Variants in PIP4K2A observed in about 807,000 individuals in gnomAD.
PIP4K2A encodes phosphatidylinositol 5-phosphate 4-kinase type-2 alpha.
A neutral mutation model predicts 42.9 loss-of-function variants in PIP4K2A; 14 were observed. The observed-to-expected ratio is 0.33, with a 90% CI of 0.22 to 0.51. PIP4K2A has a LOEUF of 0.51. Ranked by LOEUF, PIP4K2A falls within the 20% of genes least tolerant of loss-of-function variation. PIP4K2A has a pLI of 0.97. For missense variants in PIP4K2A, 434 were observed against 519.8 expected (o/e 0.83, Z 1.61); for synonymous variants, 192 against 192.2 (o/e 1.00, Z 0.01).
In PIP4K2A at chr10:22,652,396, C is replaced by T. The variant is rs1199834454; in HGVS notation, c.145-42679G>A. ...TCATCCTCCCAAAGTACAGGGATTA[C>T]AAGTGTGAGCCACCATGCCAGGCCT... On this transcript the variant is annotated intron_variant, in intron 1 of 9. Transcript: ENST00000376573. Among the ~76,000 whole-genome samples, 5 of 152,144 alleles carry T rather than the reference C, an allele frequency of 3.3e-5. No homozygotes were observed. In the East Asian group the frequency reaches 9.6e-4, roughly 29 times the overall value.
intron 1 of PIP4K2A, among the ~76,000 whole-genome samples, chr10:22,662,106 G>A (rs1238341552): frequency 6.6e-6 from 1 of 152,204 alleles, no homozygotes. Flanking sequence ...TTATACTGCA[G>A]GAAGCAGAGG....
At chr10:22,673,168 T>C (rs1214055436) in intron 1 of PIP4K2A, among the ~76,000 whole-genome samples, 1 of 152,190 alleles carries the variant, frequency 6.6e-6, no homozygotes, top group African/African-American at 2.4e-5. Context: ...CATCACCTCC[T>C]CCAGGAAGTC....
At chr10:22,585,882 C>T (rs144504004) in intron 4 of PIP4K2A, among the ~76,000 whole-genome samples, 94 of 152,272 alleles carry the variant, frequency 6.2e-4, no homozygotes, top group Non-Finnish European at 1.2e-3. Flanking sequence ...AGGCATGAGC[C>T]ACTGTGTCCA....
chr10:22,625,912 C>G (rs1190300989), intron 1 of PIP4K2A, among the ~76,000 whole-genome samples: 1 of 152,140 alleles, frequency 6.6e-6, no homozygotes. Context: ...AATGGCCTTT[C>G]TTATCTCTTG....
chr10:22,680,168 A>C (rs1839632127), intron 1 of PIP4K2A, among the ~76,000 whole-genome samples: 3 of 152,282 alleles, frequency 2.0e-5, no homozygotes, highest in Admixed American at 2.0e-4. Flanking sequence ...CTTTTGAATT[A>C]TGTGGATTTT....
chr10:22,714,432 G>T lies in PIP4K2A; in HGVS notation c.-106C>A, dbSNP rs1833972423. On this transcript the variant is annotated 5_prime_UTR_variant, in exon 1 of 10. Transcript: ENST00000376573. Reference sequence around the variant, plus strand: ...GCCGCATCCCCCCGGCGGCGGCCCCGGCGCGCCGCGCTCCGCTCCGCCCGC... The same window carrying T: ...GCCGCATCCCCCCGGCGGCGGCCCCTGCGCGCCGCGCTCCGCTCCGCCCGC... The T allele has an allele frequency of 2.8e-6, 2 of 716,290 alleles. No homozygotes were observed. The highest frequency in any genetic ancestry group is 3.9e-5 in the African/African-American group (2 of 51,684). 44.4% of individuals were successfully genotyped at this position (716,290 alleles called of 1,614,324 possible).
chr10:22,705,399 T>C (rs967751614), intron 1 of PIP4K2A, among the ~76,000 whole-genome samples: 4 of 125,938 alleles, frequency 3.2e-5, no homozygotes, highest in Non-Finnish European at 3.1e-5. Context: ...TTTTACCCCC[T>C]TTACGTATTA....
At chr10:22,699,309 A>G (rs1833665671) in intron 1 of PIP4K2A, among the ~76,000 whole-genome samples, 1 of 152,180 alleles carries the variant, frequency 6.6e-6, no homozygotes, top group African/African-American at 2.4e-5. Context: ...CTTTGATTCT[A>G]CAGGAAATGT....
chr10:22,626,900 G>C (rs546109178), intron 1 of PIP4K2A, among the ~76,000 whole-genome samples: 6 of 152,218 alleles, frequency 3.9e-5, no homozygotes, highest in African/African-American at 1.2e-4. Flanking sequence ...TCAAAAATAT[G>C]TCATGCCAAT....
rs779983730 is a variant in PIP4K2A, at chr10:22,541,843, C to T, written c.997G>A (p.Asp333Asn). 1.2e-5 allele frequency: 19 copies of T among 1,582,982 alleles called. No homozygotes were observed. In the East Asian group the frequency reaches 1.3e-4, roughly 11 times the overall value. ...ATTCCATAGACGTCGATGTTCGGAT[C>T]GAACTCCCCGGGAGCCAGGGGTGGT... is the stretch of plus-strand genomic sequence containing the variant. ...SSPPLAPGEF[D>N]PNIDVYGIKC... is the part of the protein sequence containing the mutation. The change falls in exon 8 of 10, where the codon GAT becomes AAT. Residue 333 changes from aspartate (D) to asparagine (N), a missense_variant. Transcript: ENST00000376573.
At chr10:22,634,512 C>A (rs1397025418) in intron 1 of PIP4K2A, among the ~76,000 whole-genome samples, 1 of 152,132 alleles carries the variant, frequency 6.6e-6, no homozygotes, top group Non-Finnish European at 1.5e-5. Flanking sequence ...TTACTGTTAA[C>A]CTGTTTGGCA....
At chr10:22,689,906 A>G (rs1839829145) in intron 1 of PIP4K2A, among the ~76,000 whole-genome samples, 1 of 152,222 alleles carries the variant, frequency 6.6e-6, no homozygotes, top group African/African-American at 2.4e-5. Context: ...AGACTGATGC[A>G]CAAAAGCAAG....
chr10:22,659,351 T>G (rs1014759715), intron 1 of PIP4K2A, among the ~76,000 whole-genome samples: 1 of 152,146 alleles, frequency 6.6e-6, no homozygotes, highest in South Asian at 2.1e-4. Flanking sequence ...TCCCAACACT[T>G]TGGGAGGCCA....
At chr10:22,699,754 A>G (rs768541020) in intron 1 of PIP4K2A, among the ~76,000 whole-genome samples, 1 of 152,202 alleles carries the variant, frequency 6.6e-6, no homozygotes, top group Non-Finnish European at 1.5e-5. Context: ...TTGTAAATAC[A>G]AACACTTTTA....
intron 1 of PIP4K2A, among the ~76,000 whole-genome samples, chr10:22,710,969 C>T (rs1254046435): frequency 1.3e-5 from 2 of 152,156 alleles, no homozygotes; most frequent in African/African-American, 4.8e-5. Flanking sequence ...AACATCCTCC[C>T]CACACTATTA....
At chr10:22,694,349 T>C (rs1839928905) in intron 1 of PIP4K2A, 1 of 152,216 alleles carries the variant, frequency 6.6e-6, no homozygotes, top group South Asian at 2.1e-4. Flanking sequence ...ACTCAAGATG[T>C]GGCAGTGGGT....
intron 7 of PIP4K2A, among the ~76,000 whole-genome samples, chr10:22,542,778 G>A (rs1365429794): frequency 6.6e-6 from 1 of 152,128 alleles, no homozygotes; most frequent in South Asian, 2.1e-4. Context: ...TTTCTTATTT[G>A]AGACCTTCAG....
At chr10:22,650,174 A>T (rs569100048) in intron 1 of PIP4K2A, among the ~76,000 whole-genome samples, 1 of 152,176 alleles carries the variant, frequency 6.6e-6, no homozygotes, top group Non-Finnish European at 1.5e-5. Flanking sequence ...TTCCCAGGTG[A>T]CCCAGCTCTG....
At chr10:22,645,625 C>T (rs60284138) in intron 1 of PIP4K2A, among the ~76,000 whole-genome samples, 9,786 of 148,124 alleles carry the variant, frequency 0.066, 829 homozygotes, top group African/African-American at 0.2. Flanking sequence ...AAGTAGAATA[C>T]TGTAAACTTT....
Sources: gnomAD v4.1 joint callset for allele counts (sites outside exome capture counted in the v4.1 genomes callset) on GRCh38, gnomAD v4.1.1 for gene constraint, MANE v1.5 for transcripts, NCBI Gene and HGNC (gene_info 2026-07-23, HGNC 2026-07-21) for gene names.